The following POU6F2 variants were observed in gnomAD, a reference collection of about 807,000 sequenced individuals.
POU6F2 encodes POU class 6 homeobox 2, also known as POU domain, class 6, transcription factor 2.
In POU6F2, 31 loss-of-function variants were observed where a neutral mutation model predicts 71.3. The ratio of observed to expected loss-of-function variants is 0.43; its 90% confidence interval spans 0.33 to 0.59. POU6F2 has a LOEUF of 0.59. Ranked by LOEUF, POU6F2 falls within the 20% of genes least tolerant of loss-of-function variation. The pLI, the probability that POU6F2 is intolerant of heterozygous loss-of-function variation, is 0.04. For missense variants in POU6F2, 783 were observed against 856.8 expected, an observed-to-expected ratio of 0.91 and a Z score of 1.07; for synonymous variants, 347 against 355.7, an observed-to-expected ratio of 0.98 and a Z score of 0.27.
At chr7:39,422,661 T>C (rs1787877585) in intron 6 of POU6F2, among the ~76,000 whole-genome samples, 1 of 152,192 alleles carries the variant, frequency 6.6e-6, no homozygotes. Context: ...AGAATTGTGC[T>C]ATGCAAAGTT....
At chr7:39,401,428 G>A (rs56408610) in intron 5 of POU6F2, among the ~76,000 whole-genome samples, 50,546 of 151,984 alleles carry the variant, frequency 0.33, 8,787 homozygotes, top group East Asian at 0.6. Flanking sequence ...GATGAGACCC[G>A]GGGGGAAAAT....
At chr7:39,316,859 A>C (rs1785277555) in intron 4 of POU6F2, among the ~76,000 whole-genome samples, 1 of 152,210 alleles carries the variant, frequency 6.6e-6, no homozygotes, top group Non-Finnish European at 1.5e-5. Context: ...ACCACCTAAT[A>C]ATAAAAGAGA....
intron 4 of POU6F2, among the ~76,000 whole-genome samples, chr7:39,229,510 C>A (rs1794534443): frequency 6.6e-6 from 1 of 152,202 alleles, no homozygotes; most frequent in South Asian, 2.1e-4. Flanking sequence ...GAAACACGTA[C>A]AGGAAAGCAG....
chr7:39,056,221 G>C (rs1333674431), intron 1 of POU6F2, among the ~76,000 whole-genome samples: 2 of 152,018 alleles, frequency 1.3e-5, no homozygotes, highest in African/African-American at 4.8e-5. Context: ...GAAGGCATCA[G>C]AGAGCCAGGA....
At chr7:39,413,854 GAGAGCTTT>G (rs537731792) in intron 6 of POU6F2, among the ~76,000 whole-genome samples, 1 of 152,166 alleles carries the variant, frequency 6.6e-6, no homozygotes, top group Non-Finnish European at 1.5e-5. Flanking sequence ...GAGCCCAGTT[GAGAGCTTT>G]AGTTCCTCAT....
chr7:38,984,168 AC>A (rs1788403703), intron 1 of POU6F2: 2 of 152,122 alleles, frequency 1.3e-5, no homozygotes, highest in African/African-American at 4.8e-5. Flanking sequence ...GGGAAAAAGT[AC>A]CCACATAATT....
intron 2 of POU6F2, among the ~76,000 whole-genome samples, chr7:39,149,663 C>T (rs1474683987): frequency 6.6e-6 from 1 of 152,166 alleles, no homozygotes; most frequent in South Asian, 2.1e-4. Flanking sequence ...TGAACCACAT[C>T]TCCCCATTTC....
chr7:39,225,963 A>T (rs1256463828), intron 4 of POU6F2, among the ~76,000 whole-genome samples: 1 of 152,094 alleles, frequency 6.6e-6, no homozygotes, highest in Non-Finnish European at 1.5e-5. Context: ...CTTTAAAAAA[A>T]AAAGGTTGTT....
In POU6F2 at chr7:38,978,058, G is replaced by C. The variant is rs1379850486; in HGVS notation, c.105G>C (p.Gln35His). 2 of 152,222 alleles carry C rather than the reference G, an allele frequency of 1.3e-5. No homozygotes were observed. Among genetic ancestry groups the C allele is most frequent in the Non-Finnish European group, 2.9e-5 (2 of 68,052 alleles). 9.4% of individuals were successfully genotyped at this position (152,222 alleles called of 1,614,324 possible). A position where few individuals can be genotyped will look rare whatever the true frequency, so the allele number is the denominator to read the frequency against. The change falls in exon 1 of 10, where the codon CAG becomes CAC. Residue 35 changes from glutamine (Q) to histidine (H), a missense_variant and splice_region_variant. Physicochemically the swap from Gln to His is conservative, Grantham distance 24. Transcript: ENST00000518318. ...GGACCATGCAAGCTGTAATTGGTCA[G>C]GTATGGAGTCAGCCATTTCTCAACT... Reference protein sequence around the residue: ...DTGTMQAVIGQDPMIAGQVSK... With the variant: ...DTGTMQAVIGHDPMIAGQVSK...
intron 6 of POU6F2, among the ~76,000 whole-genome samples, chr7:39,415,863 G>A (rs75853150): frequency 6.6e-6 from 1 of 152,104 alleles, no homozygotes; most frequent in South Asian, 2.1e-4. Flanking sequence ...GACATCAAGG[G>A]TTAAGTGACT....
chr7:39,319,181 C>T (rs1015353283), intron 4 of POU6F2, among the ~76,000 whole-genome samples: 1 of 152,164 alleles, frequency 6.6e-6, no homozygotes, highest in Non-Finnish European at 1.5e-5. Flanking sequence ...GACCCCTTCA[C>T]CTCCCACGTC....
At chr7:39,194,753 G>A (rs1011623539) in intron 2 of POU6F2, among the ~76,000 whole-genome samples, 9 of 152,112 alleles carry the variant, frequency 5.9e-5, no homozygotes, top group South Asian at 2.1e-4. Context: ...CTTTGCTTCC[G>A]CACTACCTTT....
chr7:39,289,844 G>A lies in POU6F2; in HGVS notation c.599-49798G>A, dbSNP rs537255024. Among the ~76,000 whole-genome samples the A allele has an allele frequency of 2.1e-3, 323 of 152,158 alleles. 1 individual carries two copies. Among genetic ancestry groups the A allele is most frequent in the African/African-American group, 7.6e-3 (316 of 41,526 alleles). On this transcript the variant is annotated intron_variant, in intron 4 of 9. Transcript: ENST00000518318. ...TTTGTAGTGTGGGGCAATCCTCATG[G>A]GGCTTGTCATGTCATCTCTGGACCG... is the stretch of plus-strand genomic sequence containing the variant.
rs146360565 is a variant in POU6F2, at chr7:39,242,584, A to G, written c.598+34964A>G. Among the ~76,000 whole-genome samples, 248 of 152,204 alleles carry G rather than the reference A, an allele frequency of 1.6e-3. 3 individuals carry two copies. The highest frequency in any genetic ancestry group is 4.2e-3 in the East Asian group (22 of 5,182). Reference sequence around the variant, plus strand: ...ATATGGTAAAATCAAAGCTTTAGAAAGACAAACGTGGGCTGGAATTAGGGT... The same window carrying G: ...ATATGGTAAAATCAAAGCTTTAGAAGGACAAACGTGGGCTGGAATTAGGGT... On this transcript the variant is annotated intron_variant, in intron 4 of 9. Coordinates refer to ENST00000518318, the MANE Select transcript of POU6F2 (RefSeq NM_001370959.1).
rs747330656 is a variant in POU6F2, at chr7:39,464,395, C to A, written c.1872C>A (p.Asn624Lys). The A allele has an allele frequency of 7.4e-6, 12 of 1,613,884 alleles. No homozygotes were observed. Among genetic ancestry groups the A allele is most frequent in the African/African-American group, 4.0e-5 (3 of 74,922 alleles). The change falls in exon 10 of 10, where the codon AAC (asparagine) becomes AAA (lysine). Residue 624 changes from asparagine (N) to lysine (K), a missense_variant. Transcript: ENST00000518318. The surrounding 1 kb of genome is among the most constrained non-coding windows in gnomAD (Gnocchi z 4.1). ...CCCGCCATCGAGCAGGTATGCAGAACCTGACCGAGTTTATCGGGAGTGAAC... is the reference window on the plus strand; with the variant it reads ...CCCGCCATCGAGCAGGTATGCAGAAACTGACCGAGTTTATCGGGAGTGAAC... ...AEARHRAGMQ[N>K]LTEFIGSEPS...
chr7:39,282,963 T>C (rs1396201122), intron 4 of POU6F2, among the ~76,000 whole-genome samples: 3 of 152,146 alleles, frequency 2.0e-5, no homozygotes, highest in Non-Finnish European at 4.4e-5. Context: ...TTTTCATCAG[T>C]GCTTAAATAG....
chr7:39,425,659 T>C (rs905286221), intron 6 of POU6F2, among the ~76,000 whole-genome samples: 2 of 152,212 alleles, frequency 1.3e-5, no homozygotes, highest in African/African-American at 4.8e-5. Flanking sequence ...TGGGAAAATA[T>C]ATTCTGCTCA....
intron 2 of POU6F2, among the ~76,000 whole-genome samples, chr7:39,089,731 GA>G (rs1791323884): frequency 6.6e-6 from 1 of 152,126 alleles, no homozygotes. Flanking sequence ...TATATCCTTG[GA>G]AAAAATATGT....
intron 5 of POU6F2, among the ~76,000 whole-genome samples, chr7:39,376,527 G>A (rs145591762): frequency 3.2e-4 from 48 of 152,132 alleles, no homozygotes; most frequent in Admixed American, 9.8e-4. Flanking sequence ...AAAAAGACTC[G>A]GTCCAGTCTG....
Sources: gnomAD v4.1 joint callset for allele counts (sites outside exome capture counted in the v4.1 genomes callset) on GRCh38, gnomAD v4.1.1 for gene constraint, Gnocchi (gnomAD v3.1) non-coding constraint, MANE v1.5 for transcripts, NCBI Gene and HGNC (gene_info 2026-07-23, HGNC 2026-07-21) for gene names.